Variants in LRPPRC observed in about 807,000 individuals in gnomAD.
LRPPRC encodes the protein leucine rich pentatricopeptide repeat containing.
A neutral mutation model predicts 180.3 loss-of-function variants in LRPPRC; 120 were observed. The observed-to-expected ratio is 0.67, with a 90% CI of 0.57 to 0.77. The LOEUF (loss-of-function observed/expected upper bound fraction) is 0.77, where lower values mean the gene tolerates loss of function less well. Among genes scored for constraint, LRPPRC ranks in the 30% least tolerant of loss-of-function variants. LRPPRC has a pLI of 0.00. For synonymous variants in LRPPRC, 723 were observed against 600.0 expected (o/e 1.21, Z -3.00); for missense variants, 2,012 against 1,657.2 (o/e 1.21, Z -3.72).
chr2:43,908,640 G>C (rs1039622549), intron 30 of LRPPRC, among the ~76,000 whole-genome samples: 3 of 149,816 alleles, frequency 2.0e-5, no homozygotes, highest in Middle Eastern at 3.4e-3. Context: ...TCCTGCCTTG[G>C]CCTCCTGAGT....
chr2:43,956,893 A>G (rs1559008747), intron 14 of LRPPRC, among the ~76,000 whole-genome samples: 1 of 152,192 alleles, frequency 6.6e-6, no homozygotes, highest in Non-Finnish European at 1.5e-5. Flanking sequence ...CCGTCTCAAA[A>G]AAATAAATCA....
At chr2:43,955,495 A>G (rs1334156495) in intron 14 of LRPPRC, among the ~76,000 whole-genome samples, 2 of 151,672 alleles carry the variant, frequency 1.3e-5, no homozygotes, top group Non-Finnish European at 2.9e-5. Context: ...AAAAAAAAGA[A>G]AAGAAAATTA....
chr2:43,947,270 A>T lies in LRPPRC; in HGVS notation c.2066T>A (p.Leu689His). 2 of 1,564,514 alleles carry T rather than the reference A, an allele frequency of 1.3e-6. No individual in the cohort carries two copies. Among genetic ancestry groups the T allele is most frequent in the Non-Finnish European group, 8.8e-7 (1 of 1,139,250 alleles). The change falls in exon 20 of 38, where the codon CTT becomes CAT. Residue 689 changes from leucine to histidine, a missense_variant. Physicochemically the swap from Leu to His is moderately conservative, Grantham distance 99. Transcript: ENST00000260665. ...RDVLKQLILV[L>H]CSEENMQKAL... ...AACAAATGTTACCTCTTCTGAACAAAGCACTAATATGAGTTGCTTTAGGAC... is the reference window on the plus strand; with the variant it reads ...AACAAATGTTACCTCTTCTGAACAATGCACTAATATGAGTTGCTTTAGGAC...
chr2:43,888,155 C>T lies in LRPPRC; in HGVS notation c.*445G>A. ...CATTTAACAAAGTTCGAAAGTTATG[C>T]AGGACTTCACACATGTACGGAATGG... On this transcript the variant is annotated 3_prime_UTR_variant, in exon 38 of 38. Transcript: ENST00000260665. The T allele has an allele frequency of 5.3e-6, 1 of 189,996 alleles. No homozygotes were observed. The highest frequency in any genetic ancestry group is 1.1e-5 in the Non-Finnish European group (1 of 91,456). The allele number at this position is 189,996 out of a possible 1,614,324, so 11.8% of individuals were successfully genotyped here.
chr2:43,906,733 G>T (rs1225021821), intron 30 of LRPPRC, among the ~76,000 whole-genome samples: 2 of 152,112 alleles, frequency 1.3e-5, no homozygotes, highest in Non-Finnish European at 2.9e-5. Flanking sequence ...ACAAAAGTGG[G>T]GTCACTGCTA....
chr2:43,934,355 A>T, intron 24 of LRPPRC, 59 bp from the exon 25 acceptor site: 1 of 793,272 alleles, frequency 1.3e-6, no homozygotes, highest in East Asian at 2.6e-5. Flanking sequence ...GAAAAACAGT[A>T]TCATATGAAG....
At chr2:43,894,523 A>C in intron 36 of LRPPRC, 22 bp downstream of exon 36, 1 of 1,082,530 alleles carries the variant, frequency 9.2e-7, no homozygotes, top group Non-Finnish European at 1.4e-6. Flanking sequence ...TAAATAATAT[A>C]GTCAAATTAA....
At chr2:43,965,322 G>C (rs1326298826) in intron 11 of LRPPRC, among the ~76,000 whole-genome samples, 1 of 152,116 alleles carries the variant, frequency 6.6e-6, no homozygotes, top group African/African-American at 2.4e-5. Flanking sequence ...GCCTCCCAAA[G>C]TGTTGGGATT....
chr2:43,926,632 G>C (rs1266447979), intron 25 of LRPPRC, among the ~76,000 whole-genome samples: 1 of 152,180 alleles, frequency 6.6e-6, no homozygotes, highest in East Asian at 1.9e-4. Context: ...GTCCCAAAGT[G>C]CTGGGATTAC....
chr2:43,916,658 TGAA>T (rs376593095), intron 29 of LRPPRC, among the ~76,000 whole-genome samples: 1 of 152,222 alleles, frequency 6.6e-6, no homozygotes, highest in East Asian at 1.9e-4. Context: ...CAGCAAAGTA[TGAA>T]GAATAGTACA....
intron 5 of LRPPRC, 110 bp downstream of exon 5, chr2:43,976,884 T>G: frequency 1.2e-6 from 1 of 852,542 alleles, no homozygotes; most frequent in East Asian, 2.6e-5. Context: ...AAAACAGTTC[T>G]GAAACAATTT....
intron 6 of LRPPRC, 69 bp from the exon 7 acceptor site, chr2:43,975,286 C>CGT: frequency 5.2e-6 from 7 of 1,342,296 alleles, no homozygotes; most frequent in Non-Finnish European, 7.3e-6. Context: ...CAAACTAAAA[C>CGT]ATATGCTTAT....
At chr2:43,924,159 C>T (rs140883773) in intron 27 of LRPPRC, among the ~76,000 whole-genome samples, 3 of 152,202 alleles carry the variant, frequency 2.0e-5, no homozygotes, top group Non-Finnish European at 4.4e-5. Context: ...TCCCCTTATT[C>T]GTTTGGTGAA....
At chr2:43,907,763 C>T (rs1168126476) in intron 30 of LRPPRC, among the ~76,000 whole-genome samples, 2 of 152,096 alleles carry the variant, frequency 1.3e-5, no homozygotes, top group Non-Finnish European at 2.9e-5. Flanking sequence ...TTACGACCAA[C>T]TGCAAAAATT....
chr2:43,934,764 T>C lies in LRPPRC; in HGVS notation c.2619A>G (p.Leu873=), dbSNP rs774796694. 4.3e-6 allele frequency: 7 copies of C among 1,612,902 alleles called. No individual in the cohort carries two copies. The African/African-American group carries it at 6.7e-5, about 15-fold the overall frequency. The part of the protein sequence containing the change: ...CKLVEKGETD[L]IQKAMDFVSQ... Reference sequence around the variant, plus strand: ...TAGAAAGTGACTCACCTTTCTGAATTAGATCAGTCTCGCCTTTCTCTACCA... The same window carrying C: ...TAGAAAGTGACTCACCTTTCTGAATCAGATCAGTCTCGCCTTTCTCTACCA... The change falls in exon 24 of 38, where the codon CTA becomes CTG. Residue 873 remains leucine (L), a synonymous_variant. Transcript: ENST00000260665.
At chr2:43,995,690 G>T in intron 1 of LRPPRC, 109 bp downstream of exon 1, 2 of 1,086,502 alleles carry the variant, frequency 1.8e-6, no homozygotes, top group Non-Finnish European at 2.4e-6. Flanking sequence ...AGGTCCTGGG[G>T]CGGGGAGAAG....
At chr2:43,936,478 A>C (rs1672283739) in intron 23 of LRPPRC, among the ~76,000 whole-genome samples, 1 of 152,224 alleles carries the variant, frequency 6.6e-6, no homozygotes, top group Non-Finnish European at 1.5e-5. Flanking sequence ...TAAATTTCTC[A>C]TACACATAAC....
At chr2:43,956,477 A>AGTGTGTGTGTG (rs1559007564) in intron 14 of LRPPRC, among the ~76,000 whole-genome samples, 1 of 83,876 alleles carries the variant, frequency 1.2e-5, no homozygotes, top group Non-Finnish European at 2.2e-5. Flanking sequence ...AAAGAAAAAA[A>AGTGTGTGTGTG]CGTGTGTGTG....
At chr2:43,976,929 A>T in intron 5 of LRPPRC, 65 bp downstream of exon 5, 4 of 1,315,172 alleles carry the variant, frequency 3.0e-6, no homozygotes. Flanking sequence ...ACAAAGAGTG[A>T]ACAGACATTA....
Sources: gnomAD v4.1 joint callset for allele counts (sites outside exome capture counted in the v4.1 genomes callset) on GRCh38, gnomAD v4.1.1 for gene constraint, MANE v1.5 for transcripts, NCBI Gene and HGNC (gene_info 2026-07-23, HGNC 2026-07-21) for gene names.